MCPH1: variants seen among roughly 807,000 people sequenced by gnomAD.
The protein encoded by MCPH1 is microcephalin.
MCPH1 carries 104 observed loss-of-function variants against 84.5 expected under a neutral mutation model. The ratio of observed to expected loss-of-function variants is 1.23; its 90% CI spans 1.05 to 1.45. MCPH1 has a LOEUF of 1.45. Among genes scored for constraint, MCPH1 ranks in the 40% most tolerant of loss-of-function variants. MCPH1 has a pLI of 0.00. For synonymous variants in MCPH1, 514 were observed against 366.8 expected (o/e 1.40, Z -4.58); for missense variants, 1,498 against 1,005.7 (o/e 1.49, Z -6.62).
intron 3 of MCPH1, among the ~76,000 whole-genome samples, chr8:6,425,995 GTAA>G (rs140145539): frequency 0.015 from 2,244 of 152,258 alleles, 60 homozygotes; most frequent in African/African-American, 0.051. Context: ...TTTTGCTTGA[GTAA>G]GAAGAAGCTG....
intron 12 of MCPH1, among the ~76,000 whole-genome samples, chr8:6,549,898 A>G (rs1823313032): frequency 6.6e-6 from 1 of 152,170 alleles, no homozygotes; most frequent in African/African-American, 2.4e-5. Flanking sequence ...AGAAAAGAAA[A>G]AGCTAGATTC....
chr8:6,615,439 G>A (rs548941892), intron 12 of MCPH1, among the ~76,000 whole-genome samples: 1 of 152,344 alleles, frequency 6.6e-6, no homozygotes, highest in Non-Finnish European at 1.5e-5. Context: ...ACGAACGAAT[G>A]TGCAGGTACT....
intron 13 of MCPH1, chr8:6,626,513 G>A (rs1586860661): frequency 3.2e-6 from 3 of 934,668 alleles, no homozygotes; most frequent in South Asian, 1.0e-4. Context: ...GAGCACACTT[G>A]TGGGTGGTTG....
chr8:6,617,945 T>TCTATCTA (rs1563197129), intron 12 of MCPH1, among the ~76,000 whole-genome samples: 3 of 28,816 alleles, frequency 1.0e-4, no homozygotes, highest in Admixed American at 3.8e-4. Flanking sequence ...CTATCTATCT[T>TCTATCTA]TCTATCTATC....
intron 9 of MCPH1, among the ~76,000 whole-genome samples, chr8:6,458,043 T>G (rs920123092): frequency 5.3e-5 from 8 of 152,184 alleles, no homozygotes; most frequent in Admixed American, 4.6e-4. Context: ...AAAGCAGAGT[T>G]TGGAAACTAC....
At chr8:6,446,883 C>T (rs1025206391) in intron 8 of MCPH1, 5 of 985,040 alleles carry the variant, frequency 5.1e-6, no homozygotes, top group Non-Finnish European at 6.0e-6. Flanking sequence ...CACTGCCCCC[C>T]TGCGTCGACA....
chr8:6,592,820 AT>A (rs67091563), intron 12 of MCPH1, among the ~76,000 whole-genome samples: 15,059 of 134,200 alleles, frequency 0.11, 810 homozygotes, highest in Admixed American at 0.14. Context: ...ACACCTGGCA[AT>A]TTTTTTTTTT....
intron 3 of MCPH1, among the ~76,000 whole-genome samples, chr8:6,423,904 A>G (rs994755831): frequency 2.0e-5 from 3 of 152,118 alleles, no homozygotes; most frequent in Admixed American, 1.3e-4. Context: ...AATAGTTTTT[A>G]TTTGCATTTC....
intron 12 of MCPH1, among the ~76,000 whole-genome samples, chr8:6,596,830 G>A (rs577527032): frequency 2.0e-5 from 3 of 152,286 alleles, no homozygotes; most frequent in Non-Finnish European, 2.9e-5. Context: ...CACATGCAGC[G>A]GAGAATAATC....
rs533506724 is a variant in MCPH1, at chr8:6,477,468, A to G, written c.1936-126A>G. The G allele has an allele frequency of 2.6e-4, 210 of 813,678 alleles. 5 individuals are homozygous for G. The highest frequency in any genetic ancestry group is 2.3e-3 in the South Asian group (145 of 63,052). The allele number at this position is 813,678 out of a possible 1,614,324, so 50.4% of individuals were successfully genotyped here. A position where few individuals can be genotyped will look rare whatever the true frequency, so the allele number is the denominator to read the frequency against. Reference sequence around the variant, plus strand: ...AATATAAAGGTTTTTTTTCTTTGACATATGCTTAAATGTTTATTTTTAAGT... The same window carrying G: ...AATATAAAGGTTTTTTTTCTTTGACGTATGCTTAAATGTTTATTTTTAAGT... On this transcript the variant is annotated intron_variant, in intron 9 of 13. Transcript: ENST00000344683.
intron 12 of MCPH1, among the ~76,000 whole-genome samples, chr8:6,527,851 A>G (rs1283227585): frequency 6.6e-6 from 1 of 151,140 alleles, no homozygotes; most frequent in African/African-American, 2.4e-5. Context: ...AATGTCTTAG[A>G]TCACATCTGA....
intron 8 of MCPH1, among the ~76,000 whole-genome samples, chr8:6,448,435 C>T (rs1804689434): frequency 6.6e-6 from 1 of 152,240 alleles, no homozygotes; most frequent in African/African-American, 2.4e-5. Context: ...CCTTCAGTCT[C>T]TGACAAGGCG....
intron 12 of MCPH1, chr8:6,502,189 C>G (rs1010062730): frequency 2.0e-5 from 3 of 151,958 alleles, no homozygotes; most frequent in Admixed American, 2.0e-4. Context: ...GTATAATTTT[C>G]CTCATCATTA....
chr8:6,427,118 C>T (rs1440719474), intron 3 of MCPH1, among the ~76,000 whole-genome samples: 1 of 152,090 alleles, frequency 6.6e-6, no homozygotes, highest in Non-Finnish European at 1.5e-5. Context: ...GTATTTGTGT[C>T]TCTGAAATAC....
intron 12 of MCPH1, among the ~76,000 whole-genome samples, chr8:6,591,510 C>G (rs1254383911): frequency 1.3e-5 from 2 of 152,228 alleles, no homozygotes; most frequent in Admixed American, 6.5e-5. Context: ...GCATCTTTCT[C>G]TCCTGTCCTC....
Position 6,445,100 on chromosome 8 carries a change from G to A in MCPH1, c.1378G>A (p.Asp460Asn), listed in dbSNP as rs745714760. The change falls in exon 8 of 14, where the codon GAT (aspartate) becomes AAT (asparagine). Residue 460 changes from aspartate to asparagine, a missense_variant. Transcript: ENST00000344683. ...KERTSIFEMS[D>N]FSCVGKKTRT... ...GAGAACAAGCATATTTGAAATGTCT[G>A]ATTTTTCCTGCGTTGGCAAAAAAAC... 6.2e-7 allele frequency: 1 copy of A among 1,614,134 alleles called. No individual in the cohort carries two copies. Among genetic ancestry groups the A allele is most frequent in the Admixed American group, 1.7e-5 (1 of 60,010 alleles).
intron 13 of MCPH1, chr8:6,626,847 C>T (rs1010953000): frequency 3.1e-5 from 31 of 985,332 alleles, no homozygotes; most frequent in Non-Finnish European, 3.6e-5. Context: ...GCTGTTATCA[C>T]GAAAGGCTGG....
chr8:6,602,312 C>T (rs1402815638), intron 12 of MCPH1, among the ~76,000 whole-genome samples: 1 of 152,178 alleles, frequency 6.6e-6, no homozygotes, highest in Non-Finnish European at 1.5e-5. Context: ...ACCGTCCTTG[C>T]ATTCTGTGCG....
At chr8:6,564,952 T>A (rs1826028210) in intron 12 of MCPH1, among the ~76,000 whole-genome samples, 1 of 152,226 alleles carries the variant, frequency 6.6e-6, no homozygotes, top group East Asian at 1.9e-4. Flanking sequence ...CTGGAAGACA[T>A]GCTCTGGAAG....
Sources: allele counts gnomAD v4.1 joint callset (sites outside exome capture counted in the v4.1 genomes callset), GRCh38; gene constraint gnomAD v4.1.1; transcripts MANE v1.5; gene names NCBI Gene and HGNC (gene_info 2026-07-23, HGNC 2026-07-21).